The following FHIT variants were observed in gnomAD, a reference collection of about 807,000 sequenced individuals.
FHIT encodes fragile histidine triad diadenosine triphosphatase, also known as bis(5'-adenosyl)-triphosphatase.
A neutral mutation model predicts 17.9 loss-of-function variants in FHIT; 19 were observed. That is an observed-to-expected ratio of 1.06 (90% CI 0.74 to 1.56). The LOEUF (loss-of-function observed/expected upper bound fraction) is 1.56. Ranked by LOEUF, FHIT falls within the 40% of genes most tolerant of loss-of-function variation. FHIT has a pLI of 0.00. For synonymous variants in FHIT, 81 were observed against 69.7 expected, an observed-to-expected ratio of 1.16 and a Z score of -0.81; for missense variants, 248 against 189.2, an observed-to-expected ratio of 1.31 and a Z score of -1.82.
intron 2 of FHIT, among the ~76,000 whole-genome samples, chr3:61,075,148 T>C (rs1233500380): frequency 6.6e-6 from 1 of 151,948 alleles, no homozygotes. Context: ...TTGGGAAAAA[T>C]AGGCACAACA....
chr3:60,637,519 A>T (rs556474451), intron 4 of FHIT, among the ~76,000 whole-genome samples: 1 of 152,290 alleles, frequency 6.6e-6, no homozygotes, highest in South Asian at 2.1e-4. Context: ...ATTTGTTGAA[A>T]AAATGAACTG....
intron 5 of FHIT, among the ~76,000 whole-genome samples, chr3:60,512,577 A>G (rs985029630): frequency 2.7e-5 from 4 of 147,176 alleles, no homozygotes; most frequent in African/African-American, 9.8e-5. Flanking sequence ...AAAAAGAAAA[A>G]AACTGTGTCT....
chr3:60,530,978 T>C (rs187360440), intron 5 of FHIT, among the ~76,000 whole-genome samples: 4 of 152,212 alleles, frequency 2.6e-5, no homozygotes, highest in Non-Finnish European at 5.9e-5. Flanking sequence ...AAGGTCCAAC[T>C]TAACAGTCAC....
chr3:61,135,175 A>C (rs1468619061), intron 2 of FHIT, among the ~76,000 whole-genome samples: 2 of 152,210 alleles, frequency 1.3e-5, no homozygotes, highest in Non-Finnish European at 2.9e-5. Context: ...CATTCAGCCC[A>C]GGCTAGTTAA....
chr3:60,467,229 A>G (rs1015229369), intron 5 of FHIT, among the ~76,000 whole-genome samples: 2 of 126,278 alleles, frequency 1.6e-5, no homozygotes, highest in African/African-American at 7.5e-5. Flanking sequence ...TTCATCTCTA[A>G]TTTTATTTGG....
intron 5 of FHIT, among the ~76,000 whole-genome samples, chr3:60,122,431 T>G (rs1220506031): frequency 6.6e-6 from 1 of 152,142 alleles, no homozygotes; most frequent in African/African-American, 2.4e-5. Context: ...TTTGTTTTGC[T>G]AGGAATTCAG....
intron 2 of FHIT, among the ~76,000 whole-genome samples, chr3:61,068,275 G>C (rs371004175): frequency 6.6e-6 from 1 of 152,134 alleles, no homozygotes; most frequent in Admixed American, 6.5e-5. Flanking sequence ...ATGTTTCCTT[G>C]CTCATTCCGG....
rs141121531 is a variant in FHIT, at chr3:59,789,062, T to C, written c.349-36741A>G. On this transcript the variant is annotated intron_variant, in intron 8 of 9. Transcript: ENST00000492590. ...TTATCAACCTTTGCTACTTAAAAAA[T>C]TCACAGCCAATTTAATTAAAAATAT... 5.1e-3 allele frequency among the ~76,000 whole-genome samples: 781 copies of C among 152,196 alleles called. 3 individuals carry two copies. Among genetic ancestry groups the C allele is most frequent in the African/African-American group, 0.018 (729 of 41,528 alleles).
chr3:61,209,077 G>A (rs2039357954), intron 1 of FHIT, among the ~76,000 whole-genome samples: 1 of 152,008 alleles, frequency 6.6e-6, no homozygotes, highest in Admixed American at 6.5e-5. Context: ...CACTTATGAA[G>A]CTTAGTTTGG....
chr3:60,522,021 C>A (rs1299879642), intron 5 of FHIT, among the ~76,000 whole-genome samples: 1 of 151,750 alleles, frequency 6.6e-6, no homozygotes, highest in Non-Finnish European at 1.5e-5. Context: ...ACCAGGGACC[C>A]TGTGTAGGTC....
chr3:60,270,452 T>C (rs1706806321), intron 5 of FHIT, among the ~76,000 whole-genome samples: 1 of 152,210 alleles, frequency 6.6e-6, no homozygotes, highest in Non-Finnish European at 1.5e-5. Flanking sequence ...TCAATAACCT[T>C]ACCTGCAATA....
chr3:61,186,218 T>C (rs1317455362), intron 2 of FHIT, among the ~76,000 whole-genome samples: 5 of 152,308 alleles, frequency 3.3e-5, no homozygotes, highest in African/African-American at 9.6e-5. Flanking sequence ...GTTGAAGAAC[T>C]TGAAAAGCAG....
intron 5 of FHIT, among the ~76,000 whole-genome samples, chr3:60,322,050 A>C (rs945800704): frequency 1.3e-5 from 2 of 152,218 alleles, no homozygotes; most frequent in African/African-American, 4.8e-5. Flanking sequence ...CATGCTTCTC[A>C]ACTCTCATTT....
intron 5 of FHIT, among the ~76,000 whole-genome samples, chr3:60,256,194 C>T (rs1402812013): frequency 6.6e-6 from 1 of 152,140 alleles, no homozygotes; most frequent in African/African-American, 2.4e-5. Context: ...ATTTATGCCT[C>T]TTAAAAGTCA....
intron 7 of FHIT, among the ~76,000 whole-genome samples, chr3:59,977,370 T>C (rs1708460643): frequency 6.6e-6 from 1 of 152,134 alleles, no homozygotes; most frequent in African/African-American, 2.4e-5. Context: ...AACATTTTGA[T>C]TGATTTTTGG....
chr3:60,589,053 T>A (rs1260266392), intron 4 of FHIT, among the ~76,000 whole-genome samples: 2 of 151,978 alleles, frequency 1.3e-5, no homozygotes, highest in Non-Finnish European at 2.9e-5. Flanking sequence ...ACCGGGCAGG[T>A]GACTCACCCG....
intron 4 of FHIT, among the ~76,000 whole-genome samples, chr3:60,799,690 T>C (rs1701118497): frequency 6.6e-6 from 1 of 152,210 alleles, no homozygotes; most frequent in Non-Finnish European, 1.5e-5. Context: ...GCTACTTTTT[T>C]CATTTTTACA....
At chr3:61,067,669 G>C (rs754917542) in intron 2 of FHIT, among the ~76,000 whole-genome samples, 1 of 152,154 alleles carries the variant, frequency 6.6e-6, no homozygotes, top group Admixed American at 6.5e-5. Flanking sequence ...CACATTGTCA[G>C]TATAAACTAT....
At chr3:60,375,104 GA>G (rs11324509) in intron 5 of FHIT, among the ~76,000 whole-genome samples, 96,053 of 143,864 alleles carry the variant, frequency 0.67, 31,519 homozygotes, top group African/African-American at 0.75. Flanking sequence ...TGCTCCTTTT[GA>G]AAAAAAAAAA....
Sources: gnomAD v4.1 joint callset for allele counts (sites outside exome capture counted in the v4.1 genomes callset) on GRCh38, gnomAD v4.1.1 for gene constraint, MANE v1.5 for transcripts, NCBI Gene and HGNC (gene_info 2026-07-23, HGNC 2026-07-21) for gene names.